The following TRAPPC12 variants were observed in gnomAD, a reference collection of about 807,000 sequenced individuals.
TRAPPC12 encodes TPR repeat protein 15.
A neutral mutation model predicts 69.2 loss-of-function variants in TRAPPC12; 61 were observed. That is an observed-to-expected ratio of 0.88 (90% CI 0.72 to 1.09). The LOEUF (loss-of-function observed/expected upper bound fraction) is 1.09. Among genes scored for constraint, TRAPPC12 ranks in the 50% least tolerant of loss-of-function variants. The pLI is 0.00. For synonymous variants in TRAPPC12, 469 were observed against 438.9 expected, an observed-to-expected ratio of 1.07 and a Z score of -0.86; for missense variants, 1,101 against 1,016.4, an observed-to-expected ratio of 1.08 and a Z score of -1.13.
At chr2:3,425,057 C>T (rs1343686192) in intron 5 of TRAPPC12, among the ~76,000 whole-genome samples, 1 of 152,272 alleles carries the variant, frequency 6.6e-6, no homozygotes, top group Non-Finnish European at 1.5e-5. Flanking sequence ...CACGCCGTGA[C>T]ATTTTCCGTT....
intron 5 of TRAPPC12, among the ~76,000 whole-genome samples, chr2:3,439,027 T>C (rs1664050685): frequency 6.6e-6 from 1 of 152,176 alleles, no homozygotes; most frequent in Non-Finnish European, 1.5e-5. Flanking sequence ...CTGCCAAGCA[T>C]CTTCCAAAAC....
At chr2:3,411,844 T>C (rs1662081346) in intron 3 of TRAPPC12, among the ~76,000 whole-genome samples, 1 of 152,258 alleles carries the variant, frequency 6.6e-6, no homozygotes, top group South Asian at 2.1e-4. Context: ...CCCATTGTCG[T>C]TCAGAAGGTC....
chr2:3,454,811 G>A (rs1665049699), intron 6 of TRAPPC12: 1 of 152,376 alleles, frequency 6.6e-6, no homozygotes. Flanking sequence ...GCCCTGTGGT[G>A]CGGGTCTTCT....
intron 6 of TRAPPC12, 25 bp from the exon 7 acceptor site, chr2:3,457,596 T>A (rs770708627): frequency 4.4e-6 from 7 of 1,608,718 alleles, no homozygotes; most frequent in Non-Finnish European, 5.9e-6. Flanking sequence ...CATGATTTTG[T>A]CCTTCTCATT....
At chr2:3,441,595 G>T (rs1049236025) in intron 5 of TRAPPC12, among the ~76,000 whole-genome samples, 20 of 149,046 alleles carry the variant, frequency 1.3e-4, no homozygotes, top group African/African-American at 4.9e-4. Flanking sequence ...CAGTTTCACT[G>T]ATTTCTGCTC....
At chr2:3,462,053 A>G (rs1459501857) in intron 8 of TRAPPC12, among the ~76,000 whole-genome samples, 4 of 152,264 alleles carry the variant, frequency 2.6e-5, no homozygotes, top group Non-Finnish European at 5.9e-5. Context: ...TCTTATGCAA[A>G]GACATGAAGA....
At chr2:3,421,450 C>A (rs1662779074) in intron 3 of TRAPPC12, among the ~76,000 whole-genome samples, 1 of 152,206 alleles carries the variant, frequency 6.6e-6, no homozygotes, top group African/African-American at 2.4e-5. Context: ...ATATGCAAAT[C>A]TTACAGATAC....
intron 8 of TRAPPC12, among the ~76,000 whole-genome samples, chr2:3,461,686 G>T (rs1489139198): frequency 2.0e-5 from 3 of 152,218 alleles, no homozygotes; most frequent in East Asian, 3.8e-4. Context: ...CTGAGGTCAG[G>T]TGGCCCGCAC....
intron 2 of TRAPPC12, among the ~76,000 whole-genome samples, chr2:3,401,236 T>C (rs1198940680): frequency 6.6e-6 from 1 of 152,142 alleles, no homozygotes; most frequent in East Asian, 1.9e-4. Context: ...GAGAGGGCCA[T>C]TGGTAATTTA....
chr2:3,446,828 T>C (rs1320904909), intron 6 of TRAPPC12, among the ~76,000 whole-genome samples: 1 of 152,222 alleles, frequency 6.6e-6, no homozygotes, highest in Non-Finnish European at 1.5e-5. Flanking sequence ...TCAGTGAGTT[T>C]ACAGTTTGGT....
rs752951632 is a variant in TRAPPC12, at chr2:3,443,938, C to T, written c.1530+47C>T. 10 of 1,400,016 alleles carry T rather than the reference C, an allele frequency of 7.1e-6. 1 individual carries two copies. The South Asian group carries it at 1.1e-4, about 15-fold the overall frequency. 86.7% of individuals were successfully genotyped at this position (1,400,016 alleles called of 1,614,324 possible). Reference sequence around the variant, plus strand: ...CCCTGCCACGGGGAGAACATGCCCTCCACGCCCTCCCCACAGGACATGCCC... The same window carrying T: ...CCCTGCCACGGGGAGAACATGCCCTTCACGCCCTCCCCACAGGACATGCCC... On this transcript the variant is annotated intron_variant, in intron 6 of 11. Coordinates refer to ENST00000324266, the MANE Select transcript of TRAPPC12 (RefSeq NM_016030.6).
intron 8 of TRAPPC12, among the ~76,000 whole-genome samples, chr2:3,463,485 G>C (rs192835215): frequency 1.3e-5 from 2 of 150,694 alleles, no homozygotes; most frequent in Non-Finnish European, 2.9e-5. Context: ...GCCTGTGCAC[G>C]TGCTCTTTGG....
intron 6 of TRAPPC12, among the ~76,000 whole-genome samples, chr2:3,451,590 C>T (rs1020695227): frequency 6.6e-6 from 1 of 152,002 alleles, no homozygotes; most frequent in Non-Finnish European, 1.5e-5. Context: ...GTGGCATGAA[C>T]GTGGCTCACT....
chr2:3,449,944 T>C (rs1664762991), intron 6 of TRAPPC12, among the ~76,000 whole-genome samples: 1 of 152,114 alleles, frequency 6.6e-6, no homozygotes, highest in Admixed American at 6.5e-5. Context: ...CTCTTTGCCA[T>C]TGAAGCCCAT....
intron 6 of TRAPPC12, among the ~76,000 whole-genome samples, chr2:3,450,816 A>G (rs1047417775): frequency 6.6e-6 from 1 of 152,024 alleles, no homozygotes; most frequent in African/African-American, 2.4e-5. Flanking sequence ...CCAGCTTCCC[A>G]GTAGTTTGTA....
At chr2:3,419,227 G>A (rs893990825) in intron 3 of TRAPPC12, among the ~76,000 whole-genome samples, 40 of 152,368 alleles carry the variant, frequency 2.6e-4, no homozygotes, top group African/African-American at 9.1e-4. Context: ...CAGGAAGGGA[G>A]CAGTTATTAG....
At chr2:3,462,182 A>G (rs1473623015) in intron 8 of TRAPPC12, among the ~76,000 whole-genome samples, 1 of 152,258 alleles carries the variant, frequency 6.6e-6, no homozygotes, top group Non-Finnish European at 1.5e-5. Context: ...ACATTAATAG[A>G]AAACGACGGA....
chr2:3,420,730 G>C (rs534495399), intron 3 of TRAPPC12, among the ~76,000 whole-genome samples: 1 of 152,318 alleles, frequency 6.6e-6, no homozygotes, highest in South Asian at 2.1e-4. Context: ...GAGACTCATT[G>C]CCCTCCTAGG....
intron 3 of TRAPPC12, among the ~76,000 whole-genome samples, chr2:3,402,374 A>G (rs1227172958): frequency 1.3e-5 from 2 of 152,116 alleles, no homozygotes; most frequent in Non-Finnish European, 2.9e-5. Context: ...GGCAGATCAC[A>G]AGGTCAGGAG....
Sources: gnomAD v4.1 joint callset for allele counts (sites outside exome capture counted in the v4.1 genomes callset) on GRCh38, gnomAD v4.1.1 for gene constraint, MANE v1.5 for transcripts, NCBI Gene and HGNC (gene_info 2026-07-23, HGNC 2026-07-21) for gene names.